The following RPS6KL1 variants were observed in gnomAD, a reference collection of about 807,000 sequenced individuals.
RPS6KL1 encodes ribosomal protein S6 kinase-like 1.
A neutral mutation model predicts 57.0 loss-of-function variants in RPS6KL1; 41 were observed. That is an observed-to-expected ratio of 0.72 (90% CI 0.56 to 0.93). The LOEUF is 0.93. Among genes scored for constraint, RPS6KL1 ranks in the 40% least tolerant of loss-of-function variants. The pLI, the probability that RPS6KL1 is intolerant of heterozygous loss-of-function variation, is 0.00. For synonymous variants in RPS6KL1, 287 were observed against 309.7 expected (o/e 0.93, Z 0.77); for missense variants, 697 against 727.7 (o/e 0.96, Z 0.49).
rs556326171 is a variant in RPS6KL1 at position 74,910,021 on chromosome 14, C to T, written c.792G>A (p.Arg264=). 3 of 1,613,852 alleles carry T rather than the reference C, an allele frequency of 1.9e-6. No homozygotes were observed. Among genetic ancestry groups the T allele is most frequent in the African/African-American group, 2.7e-5 (2 of 75,048 alleles). Residue 264 remains arginine (R), a synonymous_variant, in exon 8 of 12, where the codon AGG becomes AGA. Coordinates refer to ENST00000557413, the MANE Select transcript of RPS6KL1 (RefSeq NM_031464.5). ...GGCCAGGGGCATGGCCTGAGGGAAG[C>T]CTCGCTGGGGTCAGGAGGTTGAGGT... is the stretch of plus-strand genomic sequence containing the variant. ...NPHLNLLTPA[R]LPSGHAPGQD... is the part of the protein sequence containing the mutation.
intron 2 of RPS6KL1, 196 bp downstream of exon 2, chr14:74,921,777 CTTTTT>C (rs57626529): frequency 2.4e-4 from 199 of 836,014 alleles, no homozygotes; most frequent in South Asian, 5.4e-4. Flanking sequence ...GTTTTCTTTT[CTTTTT>C]TTTTTTTTTT....
chr14:74,909,427 G>T, intron 8 of RPS6KL1, 116 bp downstream of exon 8: 1 of 1,369,828 alleles, frequency 7.3e-7, no homozygotes. Flanking sequence ...CTGAAAGGCT[G>T]GCTGGGGCCA....
intron 4 of RPS6KL1, 41 bp from the exon 5 acceptor site, chr14:74,918,646 G>A (rs1348785183): frequency 1.6e-5 from 23 of 1,454,436 alleles, no homozygotes; most frequent in Middle Eastern, 1.7e-4. Flanking sequence ...CCTCAGGGCC[G>A]AGCCCTCCTT....
At chr14:74,907,579 C>CTACA in intron 10 of RPS6KL1, 49 bp from the exon 11 acceptor site, 1 of 1,514,146 alleles carries the variant, frequency 6.6e-7, no homozygotes, top group Non-Finnish European at 8.9e-7. Flanking sequence ...CCAGGACCGT[C>CTACA]TACACTCCAG....
At chr14:74,911,572 AGT>A (rs1320010343) in intron 6 of RPS6KL1, 192 bp from the exon 7 acceptor site, 2 of 691,024 alleles carry the variant, frequency 2.9e-6, no homozygotes, top group Non-Finnish European at 4.9e-6. Flanking sequence ...AAGAGGGGGC[AGT>A]GTGTGTGCAT....
chr14:74,911,591 TTGTG>T (rs1472583536), intron 6 of RPS6KL1, 199 bp downstream of exon 6: 2 of 578,904 alleles, frequency 3.5e-6, no homozygotes, highest in African/African-American at 3.4e-5. Flanking sequence ...GCATGTGTGT[TTGTG>T]TGTATGTGTA....
chr14:74,919,385 G>A (rs917807334), intron 4 of RPS6KL1, among the ~76,000 whole-genome samples: 1 of 152,252 alleles, frequency 6.6e-6, no homozygotes, highest in Non-Finnish European at 1.5e-5. Flanking sequence ...TACTGGTTTA[G>A]AGAAAGCCAT....
rs764010197 is a variant in RPS6KL1 at position 74,919,979 on chromosome 14, A to G, written c.266-10T>C. ...TCCTTGTTGGGGTCAACTGTGGGAG[A>G]CAAGAGTCACCAGGGTCCCCAGCCA... is the stretch of plus-strand genomic sequence containing the variant. On this transcript the variant is annotated splice_polypyrimidine_tract_variant and intron_variant, in intron 3 of 11. Transcript: ENST00000557413. The G allele has an allele frequency of 1.5e-5, 25 of 1,613,920 alleles. No homozygotes were observed. The highest frequency in any genetic ancestry group is 2.0e-5 in the Non-Finnish European group (24 of 1,179,996).
rs1384748812 is a variant in RPS6KL1, at chr14:74,906,602, G to A, written c.*412C>T. 9.4e-6 allele frequency: 5 copies of A among 531,932 alleles called. No individual in the cohort carries two copies. In the African/African-American group the frequency reaches 9.6e-5, roughly 10 times the overall value. The allele number at this position is 531,932 out of a possible 1,614,324, so 33.0% of individuals were successfully genotyped here. A position where few individuals can be genotyped will look rare whatever the true frequency, so the allele number is the denominator to read the frequency against. ...CTGAGCCAGTGGATCAGTGTCCTGA[G>A]ATGAGTCTCCAGAGATGTCCTGAGT... On this transcript the variant is annotated 3_prime_UTR_variant, in exon 12 of 12. Coordinates refer to ENST00000557413, the MANE Select transcript of RPS6KL1 (RefSeq NM_031464.5).
At chr14:74,907,828 C>A (rs1283545197) in intron 10 of RPS6KL1, among the ~76,000 whole-genome samples, 1 of 152,204 alleles carries the variant, frequency 6.6e-6, no homozygotes, top group Non-Finnish European at 1.5e-5. Context: ...AGGGCAGGCA[C>A]TCTTGGGAAT....
At chr14:74,909,244 G>A in intron 8 of RPS6KL1, 54 bp from the exon 9 acceptor site, 3 of 1,549,222 alleles carry the variant, frequency 1.9e-6, no homozygotes, top group Non-Finnish European at 2.7e-6. Flanking sequence ...GCTGATACAG[G>A]GGAGGGGGTT....
chr14:74,913,975 C>T (rs1445822095), intron 5 of RPS6KL1, among the ~76,000 whole-genome samples: 2 of 152,230 alleles, frequency 1.3e-5, no homozygotes, highest in East Asian at 3.8e-4. Flanking sequence ...AAAAAGTGGT[C>T]AAGTCAGGAC....
intron 5 of RPS6KL1, among the ~76,000 whole-genome samples, chr14:74,914,816 G>T (rs186431059): frequency 2.6e-5 from 4 of 152,298 alleles, no homozygotes; most frequent in Admixed American, 1.3e-4. Flanking sequence ...AAGTTCAAGC[G>T]ATTCTCCTGC....
intron 3 of RPS6KL1, among the ~76,000 whole-genome samples, chr14:74,920,356 T>G (rs1020798710): frequency 6.6e-6 from 1 of 152,120 alleles, no homozygotes; most frequent in Non-Finnish European, 1.5e-5. Context: ...ATGCCCAGTG[T>G]AAAGAAGGCT....
chr14:74,910,044 G>T lies in RPS6KL1; in HGVS notation c.769C>A (p.Leu257Ile). 1 of 1,613,194 alleles carries T rather than the reference G, an allele frequency of 6.2e-7. No individual in the cohort carries two copies. The highest frequency in any genetic ancestry group is 1.3e-5 in the African/African-American group (1 of 75,060). ...ERMKAQLNPH[L>I]NLLTPARLPS... is the part of the protein sequence containing the mutation. Reference sequence around the variant, plus strand: ...AGCCTCGCTGGGGTCAGGAGGTTGAGGTGGGGGTTGAGCTGAGCCTTCATC... The same window carrying T: ...AGCCTCGCTGGGGTCAGGAGGTTGATGTGGGGGTTGAGCTGAGCCTTCATC... Residue 257 changes from leucine to isoleucine, a missense_variant, in exon 8 of 12, where the codon CTC (leucine) becomes ATC (isoleucine). Leu to Ile is a conservative substitution (Grantham distance 5). Transcript: ENST00000557413.
At chr14:74,907,663 GAC>G (rs1282375079) in intron 10 of RPS6KL1, 133 bp from the exon 11 acceptor site, 3 of 811,784 alleles carry the variant, frequency 3.7e-6, no homozygotes, top group African/African-American at 3.4e-5. Flanking sequence ...GCTACAGCCA[GAC>G]ACAGTGCCTG....
At chr14:74,913,263 G>T (rs1886318509) in intron 5 of RPS6KL1, among the ~76,000 whole-genome samples, 1 of 152,224 alleles carries the variant, frequency 6.6e-6, no homozygotes, top group Admixed American at 6.5e-5. Flanking sequence ...CATTCTGAAA[G>T]CCCTTGGTGA....
chr14:74,915,128 T>C (rs968572695), intron 5 of RPS6KL1, among the ~76,000 whole-genome samples: 4 of 152,248 alleles, frequency 2.6e-5, no homozygotes, highest in Non-Finnish European at 2.9e-5. Flanking sequence ...CTGTCCAATA[T>C]GGAAGCCAGT....
chr14:74,908,520 C>T (rs866050803), intron 10 of RPS6KL1, among the ~76,000 whole-genome samples: 13 of 152,110 alleles, frequency 8.5e-5, no homozygotes, highest in Non-Finnish European at 1.6e-4. Flanking sequence ...GAGTGAACAG[C>T]GGGCTCAGGA....
Sources: allele counts gnomAD v4.1 joint callset (sites outside exome capture counted in the v4.1 genomes callset), GRCh38; gene constraint gnomAD v4.1.1; transcripts MANE v1.5; gene names NCBI Gene and HGNC (gene_info 2026-07-23, HGNC 2026-07-21).